The following WWOX variants were observed in gnomAD, a reference collection of about 807,000 sequenced individuals.
WWOX encodes WW domain containing oxidoreductase.
A neutral mutation model predicts 46.2 loss-of-function variants in WWOX; 69 were observed. The ratio of observed to expected loss-of-function variants is 1.49; its 90% CI spans 1.23 to 1.82. The LOEUF is 1.82. WWOX is among the 40% of genes most tolerant of loss of function. The pLI is 0.00. For missense variants in WWOX, 919 were observed against 542.6 expected (o/e 1.69, Z -6.89); for synonymous variants, 359 against 202.6 (o/e 1.77, Z -6.56).
chr16:78,936,271 A>C (rs2045735108), intron 8 of WWOX, among the ~76,000 whole-genome samples: 2 of 152,098 alleles, frequency 1.3e-5, no homozygotes. Context: ...TGGGCCTTCA[A>C]CCCTTGGACA....
intron 8 of WWOX, among the ~76,000 whole-genome samples, chr16:78,931,710 C>G (rs2045627749): frequency 6.6e-6 from 1 of 152,228 alleles, no homozygotes; most frequent in African/African-American, 2.4e-5. Flanking sequence ...TATTTTCCAA[C>G]TGTTCACAGA....
Position 79,211,767 on chromosome 16 carries a change from C to T in WWOX, c.1216C>T (p.Gln406Ter), listed in dbSNP as rs1197462916. ...GTGGGCGCTCAGCGAGAGGCTGATC[C>T]AAGAACGGCTTGGCAGCCAGTCCGG... Reference protein sequence around the residue: ...TLWALSERLIQERLGSQSG With the variant: ...TLWALSERLI The change falls in exon 9 of 9, where the codon CAA becomes TAA. Residue 406 changes from glutamine (Q) to a stop codon, truncating the protein, a stop_gained. Transcript: ENST00000566780. LOFTEE classifies it high-confidence loss of function. 1.9e-6 allele frequency: 3 copies of T among 1,614,030 alleles called. No individual in the cohort carries two copies. The highest frequency in any genetic ancestry group is 2.5e-6 in the Non-Finnish European group (3 of 1,180,008).
chr16:78,491,625 G>A (rs987205304), intron 8 of WWOX, among the ~76,000 whole-genome samples: 1 of 152,044 alleles, frequency 6.6e-6, no homozygotes, highest in Admixed American at 6.6e-5. Flanking sequence ...ACCACACCTG[G>A]CTACCGTGTC....
chr16:78,389,959 A>G (rs1303612207), intron 6 of WWOX, among the ~76,000 whole-genome samples: 1 of 152,188 alleles, frequency 6.6e-6, no homozygotes, highest in Non-Finnish European at 1.5e-5. Flanking sequence ...CATGTTGGCC[A>G]GGCTAGTCAA....
At chr16:78,189,945 A>T (rs946668198) in intron 5 of WWOX, among the ~76,000 whole-genome samples, 4 of 148,398 alleles carry the variant, frequency 2.7e-5, no homozygotes, top group Admixed American at 6.7e-5. Context: ...ATGAGCCACC[A>T]CGCCCGGCTC....
intron 8 of WWOX, among the ~76,000 whole-genome samples, chr16:78,511,423 AT>A (rs772026824): frequency 6.6e-6 from 1 of 152,226 alleles, no homozygotes; most frequent in African/African-American, 2.4e-5. Flanking sequence ...ACAAGATGAC[AT>A]TTTGCAATCC....
rs922336857 is a variant in WWOX, at chr16:78,621,696, G to A, written c.1056+188944G>A. ...CTCGGCTCACCACGAGCTCTGCGTC[G>A]TGGGTTCATGCCATTCTCCTGCCTC... On this transcript the variant is annotated intron_variant, in intron 8 of 8. Coordinates refer to ENST00000566780, the MANE Select transcript of WWOX (RefSeq NM_016373.4). 4.3e-5 allele frequency among the ~76,000 whole-genome samples: 6 copies of A among 140,222 alleles called. No homozygotes were observed. The East Asian group carries it at 6.6e-4, about 15-fold the overall frequency. The allele number at this position is 140,222 out of a possible 152,430, so 92.0% of individuals were successfully genotyped here.
chr16:78,934,566 G>C (rs185225133), intron 8 of WWOX, among the ~76,000 whole-genome samples: 36 of 144,510 alleles, frequency 2.5e-4, no homozygotes, highest in Non-Finnish European at 4.5e-4. Flanking sequence ...AACTTACAGA[G>C]AACATGATTA....
At chr16:78,646,041 C>G (rs778925234) in intron 8 of WWOX, among the ~76,000 whole-genome samples, 1 of 152,158 alleles carries the variant, frequency 6.6e-6, no homozygotes, top group African/African-American at 2.4e-5. Flanking sequence ...CCTTTTAGAT[C>G]CTTTGTGACT....
chr16:79,137,138 T>A (rs760565222), intron 8 of WWOX, among the ~76,000 whole-genome samples: 15 of 152,218 alleles, frequency 9.9e-5, no homozygotes, highest in Admixed American at 4.6e-4. Flanking sequence ...TGGAATGTTA[T>A]GGATCTCTGT....
At chr16:78,475,081 T>C (rs774981404) in intron 8 of WWOX, among the ~76,000 whole-genome samples, 3 of 152,178 alleles carry the variant, frequency 2.0e-5, no homozygotes, top group Non-Finnish European at 2.9e-5. Context: ...CATAAATCTG[T>C]GACTGATAAA....
rs373266802 is a variant in WWOX, at chr16:78,354,818, T to G, written c.517-32042T>G. 1.1e-3 allele frequency among the ~76,000 whole-genome samples: 163 copies of G among 152,310 alleles called. 3 individuals carry two copies. The South Asian group carries it at 0.033, about 31-fold the overall frequency. On this transcript the variant is annotated intron_variant, in intron 5 of 8. Coordinates refer to ENST00000566780, the MANE Select transcript of WWOX (RefSeq NM_016373.4). The stretch of plus-strand genomic sequence containing the variant: ...TTTAACACTTCTTGATATTTTTGAT[T>G]AAATTTTCATATATCATCAAAAACA...
At chr16:78,977,732 G>A (rs564279962) in intron 8 of WWOX, among the ~76,000 whole-genome samples, 3 of 152,084 alleles carry the variant, frequency 2.0e-5, no homozygotes, top group African/African-American at 7.2e-5. Context: ...GGGGGTGCCT[G>A]CAAGTCTGTG....
chr16:78,421,935 T>G (rs1294561878), intron 6 of WWOX, among the ~76,000 whole-genome samples: 1 of 152,220 alleles, frequency 6.6e-6, no homozygotes, highest in African/African-American at 2.4e-5. Context: ...GTTTTCAACT[T>G]AATATCCAGG....
At chr16:78,826,474 G>T (rs2051660498) in intron 8 of WWOX, among the ~76,000 whole-genome samples, 1 of 152,178 alleles carries the variant, frequency 6.6e-6, no homozygotes, top group Non-Finnish European at 1.5e-5. Context: ...CGTTTCTGGT[G>T]GCTGCTCGTG....
intron 8 of WWOX, among the ~76,000 whole-genome samples, chr16:78,441,959 A>AGTGT (rs145693201): frequency 0.018 from 2,456 of 139,766 alleles, 22 homozygotes; most frequent in South Asian, 0.024. Context: ...TATGCGCATG[A>AGTGT]GTGTGTGTGT....
At chr16:78,752,574 A>G (rs1487972370) in intron 8 of WWOX, among the ~76,000 whole-genome samples, 2 of 152,190 alleles carry the variant, frequency 1.3e-5, no homozygotes, top group African/African-American at 4.8e-5. Flanking sequence ...CCTGGCCAAG[A>G]ATATTCTTTC....
chr16:78,378,817 A>C (rs1239140312), intron 5 of WWOX, among the ~76,000 whole-genome samples: 2 of 152,212 alleles, frequency 1.3e-5, no homozygotes, highest in African/African-American at 4.8e-5. Flanking sequence ...TTTCTCCTTC[A>C]GCGGTAACAC....
At chr16:78,847,043 T>A (rs1444253996) in intron 8 of WWOX, among the ~76,000 whole-genome samples, 1 of 152,258 alleles carries the variant, frequency 6.6e-6, no homozygotes. Flanking sequence ...CCTTTTGACA[T>A]GCCCCGTTCT....
Sources: gnomAD v4.1 joint callset for allele counts (sites outside exome capture counted in the v4.1 genomes callset) on GRCh38, gnomAD v4.1.1 for gene constraint, MANE v1.5 for transcripts, NCBI Gene and HGNC (gene_info 2026-07-23, HGNC 2026-07-21) for gene names.